COLGALT2: variants seen among roughly 807,000 people sequenced by gnomAD.
COLGALT2 encodes the protein procollagen galactosyltransferase 2.
A neutral mutation model predicts 73.4 loss-of-function variants in COLGALT2; 49 were observed. That is an observed-to-expected ratio of 0.67 (90% CI 0.53 to 0.85). The LOEUF (loss-of-function observed/expected upper bound fraction) is 0.85, where lower values mean the gene tolerates loss of function less well. Among genes scored for constraint, COLGALT2 ranks in the 40% least tolerant of loss-of-function variants. The pLI, the probability that COLGALT2 is intolerant of heterozygous loss-of-function variation, is 0.00. For missense variants in COLGALT2, 722 were observed against 790.2 expected, an observed-to-expected ratio of 0.91 and a Z score of 1.03; for synonymous variants, 295 against 307.6, an observed-to-expected ratio of 0.96 and a Z score of 0.43.
intron 5 of COLGALT2, 45 bp from the exon 6 acceptor site, chr1:183,964,065 C>T: frequency 1.2e-6 from 2 of 1,605,312 alleles, no homozygotes; most frequent in Non-Finnish European, 1.7e-6. Context: ...AGAAAACATA[C>T]TGCTGAGTGA....
Position 183,960,768 on chromosome 1 carries a change from T to G in COLGALT2, c.952+3133A>C, listed in dbSNP as rs144375513. ...AACGCTATGTGATTCTTTTTGTGAT[T>G]TTTTTTTTAGCTCATCAGCTATTGT... On this transcript the variant is annotated intron_variant, in intron 6 of 11. Transcript: ENST00000361927. Among the ~76,000 whole-genome samples the G allele has an allele frequency of 2.3e-3, 354 of 151,238 alleles. 1 individual carries two copies. The highest frequency in any genetic ancestry group is 8.1e-3 in the African/African-American group (336 of 41,334).
At chr1:183,981,814 G>A (rs375956891) in intron 1 of COLGALT2, among the ~76,000 whole-genome samples, 1 of 152,148 alleles carries the variant, frequency 6.6e-6, no homozygotes, top group Non-Finnish European at 1.5e-5. Flanking sequence ...GTTCAGGAAT[G>A]TTCAAGAGAG....
At chr1:183,997,662 GC>G (rs1052214515) in intron 1 of COLGALT2, among the ~76,000 whole-genome samples, 1 of 152,150 alleles carries the variant, frequency 6.6e-6, no homozygotes, top group African/African-American at 2.4e-5. Context: ...GCTGCATGTG[GC>G]CCATGGGCCG....
rs3841432 is a variant in COLGALT2, at chr1:183,938,197, AT to A, written c.*563del. 176,901 of 892,496 alleles carry A rather than the reference AT, an allele frequency of 0.2. 14,141 individuals are homozygous for A. The highest frequency in any genetic ancestry group is 0.36 in the Admixed American group (4,106 of 11,482). The allele number at this position is 892,496 out of a possible 1,614,324, so 55.3% of individuals were successfully genotyped here. On this transcript the variant is annotated 3_prime_UTR_variant, in exon 12 of 12. Coordinates refer to ENST00000361927, the MANE Select transcript of COLGALT2 (RefSeq NM_015101.4). ...CCCCTACTGGATAACAGGGACTAAG[AT>A]TTTTTTTTTTTAAAAAATCTACTTT...
intron 7 of COLGALT2, 148 bp from the exon 8 acceptor site, chr1:183,951,261 A>G (rs1301954103): frequency 1.6e-6 from 1 of 624,838 alleles, no homozygotes; most frequent in Admixed American, 2.5e-5. Flanking sequence ...ATCTCACATC[A>G]GTGTTTAAGG....
At chr1:183,987,598 G>C (rs80263077) in intron 1 of COLGALT2, among the ~76,000 whole-genome samples, 14,631 of 152,182 alleles carry the variant, frequency 0.096, 871 homozygotes, top group East Asian at 0.21. Context: ...CTGAGGACAG[G>C]GACTGTCCCA....
chr1:183,950,847 T>A (rs897915027), intron 8 of COLGALT2, among the ~76,000 whole-genome samples, 160 bp downstream of exon 8: 2 of 152,106 alleles, frequency 1.3e-5, no homozygotes, highest in Non-Finnish European at 2.9e-5. Context: ...CTCTACAGGA[T>A]GAAATTAACT....
At chr1:183,945,707 C>T (rs1670231561) in intron 8 of COLGALT2, 143 bp from the exon 9 acceptor site, 2 of 937,960 alleles carry the variant, frequency 2.1e-6, no homozygotes, top group Admixed American at 2.7e-5. Flanking sequence ...CTTAGAAGTT[C>T]CTCCAGGCTA....
intron 1 of COLGALT2, among the ~76,000 whole-genome samples, chr1:183,997,184 G>A (rs922590730): frequency 1.3e-5 from 2 of 151,948 alleles, no homozygotes; most frequent in African/African-American, 4.8e-5. Flanking sequence ...TTTGCTTAAC[G>A]GAGTTGTTGT....
rs1671266351 is a variant in COLGALT2 at position 183,978,497 on chromosome 1, T to C, written c.287A>G (p.Asp96Gly). The C allele has an allele frequency of 6.2e-7, 1 of 1,609,378 alleles. No homozygotes were observed. The highest frequency in any genetic ancestry group is 1.3e-5 in the African/African-American group (1 of 74,798). ...CTCCCTGAATATTTCTGTTGTATTA[T>C]CCACATTGTGATCAGTGGCTGCCCT... is the stretch of plus-strand genomic sequence containing the variant. ...AIWAATDHNV[D>G]NTTEIFREWL... Residue 96 changes from aspartate to glycine, a missense_variant, in exon 2 of 12, where the codon GAT (aspartate) becomes GGT (glycine). Coordinates refer to ENST00000361927, the MANE Select transcript of COLGALT2 (RefSeq NM_015101.4).
At chr1:184,014,018 G>A (rs769610226) in intron 1 of COLGALT2, among the ~76,000 whole-genome samples, 14 of 152,164 alleles carry the variant, frequency 9.2e-5, no homozygotes, top group African/African-American at 3.1e-4. Flanking sequence ...ATCAGTCTGA[G>A]ATATAAGTTA....
Position 183,969,338 on chromosome 1 carries a change from G to A in COLGALT2, c.763C>T (p.Pro255Ser), listed in dbSNP as rs1447945976. 9 of 1,613,822 alleles carry A rather than the reference G, an allele frequency of 5.6e-6. No homozygotes were observed. Among genetic ancestry groups the A allele is most frequent in the Non-Finnish European group, 6.8e-6 (8 of 1,179,860 alleles). ...GTCCAGGTGTAGTCCTGGTGTGGGG[G>A]GTAGAAAGTCAGCTTGTCCGAGGCC... Reference protein sequence around the residue: ...KEASDKLTFYPPHQDYTWTFD... With the variant: ...KEASDKLTFYSPHQDYTWTFD... The change falls in exon 5 of 12, where the codon CCC (proline) becomes TCC (serine). Residue 255 changes from proline (P) to serine (S), a missense_variant. Pro to Ser is a moderately conservative substitution (Grantham distance 74, BLOSUM62 -1). Transcript: ENST00000361927.
chr1:184,024,655 C>CT (rs35844838), intron 1 of COLGALT2, among the ~76,000 whole-genome samples: 31,722 of 128,128 alleles, frequency 0.25, 4,293 homozygotes, highest in African/African-American at 0.34. Flanking sequence ...CCAGCCTCAG[C>CT]TTTTTTTTTT....
intron 6 of COLGALT2, among the ~76,000 whole-genome samples, chr1:183,957,537 G>T (rs1219719333): frequency 1.3e-5 from 2 of 152,120 alleles, no homozygotes; most frequent in African/African-American, 2.4e-5. Context: ...TTCCATTGTT[G>T]CAGCCTAGCT....
chr1:184,027,842 T>G (rs1649375846), intron 1 of COLGALT2, among the ~76,000 whole-genome samples: 1 of 152,220 alleles, frequency 6.6e-6, no homozygotes, highest in Non-Finnish European at 1.5e-5. Flanking sequence ...GCTTGTACTT[T>G]TCTAAAATAT....
intron 9 of COLGALT2, 122 bp downstream of exon 9, chr1:183,945,310 C>T: frequency 8.6e-7 from 1 of 1,160,518 alleles, no homozygotes; most frequent in Middle Eastern, 2.1e-4. Context: ...GCAGGAGCAG[C>T]TCTCATGCAC....
intron 1 of COLGALT2, among the ~76,000 whole-genome samples, chr1:184,036,581 C>G (rs1572692661): frequency 6.6e-6 from 1 of 152,192 alleles, no homozygotes; most frequent in East Asian, 1.9e-4. Context: ...GGAGCAGGAG[C>G]CCGGCACCGG....
Position 184,018,316 on chromosome 1 carries a change from G to A in COLGALT2, c.263+18779C>T, listed in dbSNP as rs190316310. ...TCTGAGAGATTTAACTTGTACAGAT[G>A]GAATACCACCTCTTCCCATCTCACT... On this transcript the variant is annotated intron_variant, in intron 1 of 11. Transcript: ENST00000361927. 3.4e-3 allele frequency among the ~76,000 whole-genome samples: 515 copies of A among 152,244 alleles called. 12 individuals are homozygous for A. Among genetic ancestry groups the A allele is most frequent in the African/African-American group, 0.012 (499 of 41,540 alleles).
intron 11 of COLGALT2, among the ~76,000 whole-genome samples, chr1:183,930,506 A>G (rs2102779529): frequency 6.6e-6 from 1 of 151,500 alleles, no homozygotes; most frequent in African/African-American, 2.4e-5. Context: ...CTCCAACCTC[A>G]GCCTCATGAG....
Sources: allele counts gnomAD v4.1 joint callset (sites outside exome capture counted in the v4.1 genomes callset), GRCh38; gene constraint gnomAD v4.1.1; transcripts MANE v1.5; gene names NCBI Gene and HGNC (gene_info 2026-07-23, HGNC 2026-07-21).